The following ASTN1 variants were observed in gnomAD, a reference collection of about 807,000 sequenced individuals.
ASTN1 encodes astrotactin 1.
ASTN1 carries 41 observed loss-of-function variants against 140.7 expected under a neutral mutation model. The observed-to-expected ratio is 0.29, with a 90% CI of 0.23 to 0.38. ASTN1 has a LOEUF of 0.38. ASTN1 is among the 10% of genes least tolerant of loss of function. The pLI, the probability that ASTN1 is intolerant of heterozygous loss-of-function variation, is 1.00. For missense variants in ASTN1, 1,479 were observed against 1,678.8 expected, an observed-to-expected ratio of 0.88 and a Z score of 2.08; for synonymous variants, 640 against 652.2, an observed-to-expected ratio of 0.98 and a Z score of 0.29.
intron 1 of ASTN1, among the ~76,000 whole-genome samples, chr1:177,081,602 A>G (rs2102077108): frequency 6.6e-6 from 1 of 152,298 alleles, no homozygotes; most frequent in East Asian, 1.9e-4. Context: ...GGCAAGGGGA[A>G]GACACCCTGG....
intron 8 of ASTN1, among the ~76,000 whole-genome samples, chr1:176,972,905 A>G (rs562997122): frequency 6.6e-6 from 1 of 152,234 alleles, no homozygotes; most frequent in East Asian, 1.9e-4. Flanking sequence ...AAGTTCATTA[A>G]TTCATGCCAT....
At chr1:176,879,977 G>A (rs1571448611) in intron 20 of ASTN1, among the ~76,000 whole-genome samples, 1 of 152,120 alleles carries the variant, frequency 6.6e-6, no homozygotes. Context: ...GAAAGGCCTC[G>A]GCTTACCGTT....
chr1:177,075,645 C>CTTTTTTTTTTTTTTTTTTTT (rs5778927), intron 1 of ASTN1, among the ~76,000 whole-genome samples: 22 of 99,536 alleles, frequency 2.2e-4, no homozygotes, highest in Non-Finnish European at 4.0e-4. Context: ...CTTTTCTTTT[C>CTTTTTTTTTTTTTTTTTTTT]TTTTTTTTTT....
intron 16 of ASTN1, among the ~76,000 whole-genome samples, chr1:176,919,008 GT>G (rs1418197166): frequency 5.9e-5 from 9 of 152,308 alleles, no homozygotes; most frequent in Admixed American, 5.9e-4. Context: ...ACTCAGCCAA[GT>G]TTTACTGACC....
intron 8 of ASTN1, among the ~76,000 whole-genome samples, chr1:176,994,500 C>T (rs549915483): frequency 2.0e-4 from 31 of 152,222 alleles, no homozygotes; most frequent in African/African-American, 7.0e-4. Context: ...TGTGCCACCA[C>T]ACTGGCTAAT....
intron 20 of ASTN1, among the ~76,000 whole-genome samples, chr1:176,881,587 C>T (rs1302546646): frequency 6.7e-6 from 1 of 149,756 alleles, no homozygotes; most frequent in Non-Finnish European, 1.5e-5. Flanking sequence ...TGCTCCCCTC[C>T]AATAAAGGGC....
At chr1:177,036,105 C>T (rs1192476257) in intron 2 of ASTN1, among the ~76,000 whole-genome samples, 1 of 126,590 alleles carries the variant, frequency 7.9e-6, no homozygotes, top group Non-Finnish European at 1.5e-5. Flanking sequence ...GAGTGGAGTG[C>T]AATGGCACGA....
At chr1:176,905,423 A>G (rs926213308) in intron 16 of ASTN1, among the ~76,000 whole-genome samples, 1 of 152,258 alleles carries the variant, frequency 6.6e-6, no homozygotes, top group African/African-American at 2.4e-5. Flanking sequence ...CAATAATAAT[A>G]CTACTCCAAC....
chr1:176,860,735 A>G (rs1264908986), downstream of ASTN1, among the ~76,000 whole-genome samples: 1 of 152,146 alleles, frequency 6.6e-6, no homozygotes, highest in Non-Finnish European at 1.5e-5. Context: ...AATTTTCCCC[A>G]TAGGATGCCA....
chr1:176,932,369 C>T (rs182043624), intron 16 of ASTN1, among the ~76,000 whole-genome samples: 6 of 152,236 alleles, frequency 3.9e-5, no homozygotes, highest in South Asian at 4.1e-4. Flanking sequence ...CTTTGTCTTA[C>T]GCACGTATCA....
At chr1:176,919,821 G>C (rs779410954) in intron 16 of ASTN1, among the ~76,000 whole-genome samples, 1 of 152,216 alleles carries the variant, frequency 6.6e-6, no homozygotes, top group African/African-American at 2.4e-5. Context: ...TTTATAAGCC[G>C]CCTCTGCGGA....
rs147650633 is a variant in ASTN1 at position 176,941,847 on chromosome 1, A to AT, written c.2377+2043dup. On this transcript the variant is annotated intron_variant, in intron 14 of 22. Transcript: ENST00000361833. Reference sequence around the variant, plus strand: ...GTGCCACCTCGCACGTCTTCAAGGCATTTTACACACACATGTGGAATGTGT... The same window carrying AT: ...GTGCCACCTCGCACGTCTTCAAGGCATTTTTACACACACATGTGGAATGTGT... Among the ~76,000 whole-genome samples the AT allele has an allele frequency of 4.6e-3, 697 of 152,290 alleles. 4 individuals carry two copies. Among genetic ancestry groups the AT allele is most frequent in the African/African-American group, 0.015 (630 of 41,552 alleles).
At chr1:177,087,291 G>A (rs1679522820) in intron 1 of ASTN1, among the ~76,000 whole-genome samples, 1 of 152,166 alleles carries the variant, frequency 6.6e-6, no homozygotes, top group African/African-American at 2.4e-5. Flanking sequence ...TCCTGGCCAT[G>A]CCTAAACAGA....
At chr1:177,138,764 G>C (rs1465991891) in intron 1 of ASTN1, among the ~76,000 whole-genome samples, 1 of 152,198 alleles carries the variant, frequency 6.6e-6, no homozygotes, top group African/African-American at 2.4e-5. Flanking sequence ...GGTGCTACCT[G>C]AGTGAAGGCA....
downstream of ASTN1, among the ~76,000 whole-genome samples, chr1:176,859,876 G>T (rs1430728871): frequency 6.6e-6 from 1 of 152,228 alleles, no homozygotes; most frequent in Non-Finnish European, 1.5e-5. Context: ...AGATATTCAG[G>T]AGGAGCTTGC....
intron 21 of ASTN1, among the ~76,000 whole-genome samples, chr1:176,874,728 G>T (rs1384915637): frequency 2.6e-5 from 4 of 152,178 alleles, no homozygotes; most frequent in Non-Finnish European, 4.4e-5. Flanking sequence ...GCACTGGGTG[G>T]TTTTTTTCTA....
At position 176,861,467 on chromosome 1, in the gene ASTN1, TCCAGTACCATCAC is replaced by T. The variant is rs1667959412; in HGVS notation, c.*2804_*2816del. 1.0e-6 allele frequency: 1 copy of T among 985,738 alleles called. No individual in the cohort carries two copies. Among genetic ancestry groups the T allele is most frequent in the Non-Finnish European group, 1.2e-6 (1 of 829,968 alleles). The allele number at this position is 985,738 out of a possible 1,614,324, so 61.1% of individuals were successfully genotyped here. A position where few individuals can be genotyped will look rare whatever the true frequency, so the allele number is the denominator to read the frequency against. ...TTGAAAACTCAAGGTTGAATACCGG[TCCAGTACCATCAC>T]CCTTTCTAGCCAGGATGGGTTCCTT... is the stretch of plus-strand genomic sequence containing the variant. On this transcript the variant is annotated 3_prime_UTR_variant, in exon 23 of 23. Transcript: ENST00000361833.
rs554740981 is a variant in ASTN1, at chr1:176,988,326, A to AAAC, written c.1524-23090_1524-23089insGTT. Among the ~76,000 whole-genome samples, 618 of 151,880 alleles carry AAAC rather than the reference A, an allele frequency of 4.1e-3. 2 individuals are homozygous for AAAC. Among genetic ancestry groups the AAAC allele is most frequent in the Admixed American group, 7.1e-3 (108 of 15,250 alleles). On this transcript the variant is annotated intron_variant, in intron 8 of 22. Coordinates refer to ENST00000361833, the MANE Select transcript of ASTN1 (RefSeq NM_004319.3). ...GCAGAGGATATATTGGGAAAAAAAA[A>AAAC]AAAAAAACCTTTCCTTTTAGATCCC...
chr1:177,039,299 T>A (rs1237361917), intron 2 of ASTN1, among the ~76,000 whole-genome samples: 1 of 152,244 alleles, frequency 6.6e-6, no homozygotes, highest in Admixed American at 6.5e-5. Flanking sequence ...AGGAATCACA[T>A]ACAAGAGTTT....
Sources: allele counts gnomAD v4.1 joint callset (sites outside exome capture counted in the v4.1 genomes callset), GRCh38; gene constraint gnomAD v4.1.1; transcripts MANE v1.5; gene names NCBI Gene and HGNC (gene_info 2026-07-23, HGNC 2026-07-21).